The following RBFOX1 variants were observed in gnomAD, a reference collection of about 807,000 sequenced individuals.
RBFOX1 encodes the protein RNA binding fox-1 homolog 1, also known as RNA binding protein fox-1 homolog 1.
In RBFOX1, 8 loss-of-function variants were observed where a neutral mutation model predicts 57.7. The observed-to-expected ratio is 0.14, with a 90% CI of 0.08 to 0.25. The LOEUF (loss-of-function observed/expected upper bound fraction) is 0.25, where lower values mean the gene tolerates loss of function less well. Ranked by LOEUF, RBFOX1 falls within the 10% of genes least tolerant of loss-of-function variation. The pLI, the probability that RBFOX1 is intolerant of heterozygous loss-of-function variation, is 1.00. For missense variants in RBFOX1, 611 were observed against 548.5 expected (o/e 1.11, Z -1.14); for synonymous variants, 326 against 222.4 (o/e 1.47, Z -4.15).
chr16:7,407,959 G>A (rs996884261), intron 4 of RBFOX1, among the ~76,000 whole-genome samples: 1 of 152,166 alleles, frequency 6.6e-6, no homozygotes, highest in Non-Finnish European at 1.5e-5. Flanking sequence ...TGGCAGAATT[G>A]AATAATCACA....
At chr16:5,938,777 A>G (rs914836290) in intron 4 of RBFOX1, among the ~76,000 whole-genome samples, 1 of 152,186 alleles carries the variant, frequency 6.6e-6, no homozygotes, top group Non-Finnish European at 1.5e-5. Context: ...GCAGCTCACC[A>G]CAAAGCAGGA....
At chr16:7,516,882 C>G (rs2076475973) in intron 4 of RBFOX1, among the ~76,000 whole-genome samples, 2 of 151,848 alleles carry the variant, frequency 1.3e-5, no homozygotes, top group African/African-American at 2.4e-5. Context: ...TTGCTGCACT[C>G]AAATTGCTTT....
At chr16:5,966,749 A>C (rs554899091) in intron 4 of RBFOX1, among the ~76,000 whole-genome samples, 1 of 152,214 alleles carries the variant, frequency 6.6e-6, no homozygotes, top group East Asian at 1.9e-4. Context: ...ACCTGTCTCC[A>C]TGATCACATC....
At chr16:6,658,788 T>C (rs1052966809) in intron 3 of RBFOX1, among the ~76,000 whole-genome samples, 2 of 152,162 alleles carry the variant, frequency 1.3e-5, no homozygotes, top group African/African-American at 4.8e-5. Context: ...AGAGCCCCTA[T>C]GAATGTACCT....
intron 3 of RBFOX1, among the ~76,000 whole-genome samples, chr16:6,830,999 A>G (rs1268940122): frequency 2.6e-5 from 4 of 152,156 alleles, no homozygotes; most frequent in African/African-American, 9.7e-5. Context: ...ATGCCATAGA[A>G]CCTTCGGATT....
At chr16:5,513,116 T>G (rs2043664923) in intron 2 of RBFOX1, among the ~76,000 whole-genome samples, 2 of 152,174 alleles carry the variant, frequency 1.3e-5, no homozygotes, top group African/African-American at 4.8e-5. Flanking sequence ...GATGTTACTA[T>G]GCTGTCCAGG....
At chr16:6,769,719 T>G (rs998444855) in intron 3 of RBFOX1, among the ~76,000 whole-genome samples, 4 of 152,200 alleles carry the variant, frequency 2.6e-5, no homozygotes, top group Non-Finnish European at 4.4e-5. Context: ...TTCTGTGGCT[T>G]GATCTTGGCT....
intron 3 of RBFOX1, among the ~76,000 whole-genome samples, chr16:5,688,272 A>T (rs535240145): frequency 3.1e-4 from 47 of 152,294 alleles, no homozygotes; most frequent in Admixed American, 9.8e-4. Context: ...TTGGCATGAC[A>T]ATTTATTTTG....
intron 1 of RBFOX1, among the ~76,000 whole-genome samples, chr16:6,050,968 T>A (rs2095546083): frequency 6.7e-6 from 1 of 148,946 alleles, no homozygotes; most frequent in Non-Finnish European, 1.5e-5. Context: ...GACATGACTC[T>A]GCTTGTCTTT....
chr16:7,702,988 C>G (rs929544420), intron 14 of RBFOX1, among the ~76,000 whole-genome samples: 1 of 152,118 alleles, frequency 6.6e-6, no homozygotes, highest in African/African-American at 2.4e-5. Context: ...CCCAGAGCAC[C>G]CCAACCAGGG....
At chr16:6,087,513 A>G (rs1034878047) in intron 1 of RBFOX1, among the ~76,000 whole-genome samples, 11 of 152,200 alleles carry the variant, frequency 7.2e-5, no homozygotes, top group Admixed American at 2.0e-4. Flanking sequence ...AATCACTGTA[A>G]CCTGCTTTGT....
rs2097101373 is a variant in RBFOX1 at position 6,185,803 on chromosome 16, C to T, written c.-126-131192C>T. 2.0e-5 allele frequency among the ~76,000 whole-genome samples: 3 copies of T among 152,146 alleles called. No individual in the cohort carries two copies. In the South Asian group the frequency reaches 6.2e-4, roughly 31 times the overall value. On this transcript the variant is annotated intron_variant, in intron 1 of 15. Coordinates refer to ENST00000550418, the MANE Select transcript of RBFOX1 (RefSeq NM_018723.4). ...ATTTTTTAAAAGTCTGTGATAATGACATGGTTGATGAGCGTGAGAGTAGGA... is the reference window on the plus strand; with the variant it reads ...ATTTTTTAAAAGTCTGTGATAATGATATGGTTGATGAGCGTGAGAGTAGGA...
intron 1 of RBFOX1, among the ~76,000 whole-genome samples, chr16:6,025,014 T>A (rs949693862): frequency 2.0e-5 from 3 of 152,226 alleles, no homozygotes; most frequent in Non-Finnish European, 4.4e-5. Context: ...AGTTGAAGGT[T>A]GGTCCTATAG....
chr16:6,557,225 A>G (rs987522596), intron 2 of RBFOX1, among the ~76,000 whole-genome samples: 2 of 150,800 alleles, frequency 1.3e-5, no homozygotes, highest in Non-Finnish European at 3.0e-5. Flanking sequence ...CAAAACAGAC[A>G]TTTTGGAATC....
chr16:5,666,466 C>G (rs1430148696), intron 3 of RBFOX1, among the ~76,000 whole-genome samples: 1 of 152,214 alleles, frequency 6.6e-6, no homozygotes, highest in Non-Finnish European at 1.5e-5. Context: ...ATCTCTCAGA[C>G]ATTATCCTAG....
chr16:7,656,283 C>G (rs148928853), intron 12 of RBFOX1, among the ~76,000 whole-genome samples: 14 of 152,228 alleles, frequency 9.2e-5, no homozygotes, highest in African/African-American at 2.9e-4. Context: ...ATTACAGACT[C>G]CTGGGAATGA....
chr16:7,133,862 A>T (rs991207778), intron 4 of RBFOX1, among the ~76,000 whole-genome samples: 1 of 152,188 alleles, frequency 6.6e-6, no homozygotes. Flanking sequence ...TTGAAATATC[A>T]TGGCTAATCC....
At chr16:5,855,185 G>A (rs1170559786) in intron 3 of RBFOX1, among the ~76,000 whole-genome samples, 1 of 152,048 alleles carries the variant, frequency 6.6e-6, no homozygotes, top group Non-Finnish European at 1.5e-5. Context: ...TTGCTATTTT[G>A]TTCTGTTTGT....
chr16:6,859,309 A>G (rs2058599081), intron 3 of RBFOX1, among the ~76,000 whole-genome samples: 2 of 150,820 alleles, frequency 1.3e-5, no homozygotes, highest in South Asian at 2.1e-4. Flanking sequence ...TTCGTTGATA[A>G]TATCTATTAT....
Sources: gnomAD v4.1 joint callset for allele counts (sites outside exome capture counted in the v4.1 genomes callset) on GRCh38, gnomAD v4.1.1 for gene constraint, MANE v1.5 for transcripts, NCBI Gene and HGNC (gene_info 2026-07-23, HGNC 2026-07-21) for gene names.